SPATA17: variants seen among roughly 807,000 people sequenced by gnomAD.
The protein encoded by SPATA17 is spermatogenesis-associated protein 17.
In SPATA17, 53 loss-of-function variants were observed where a neutral mutation model predicts 62.2. The observed-to-expected ratio is 0.85, with a 90% confidence interval of 0.68 to 1.07. The LOEUF is 1.07. Among genes scored for constraint, SPATA17 ranks in the 50% least tolerant of loss-of-function variants. The pLI, the probability that SPATA17 is intolerant of heterozygous loss-of-function variation, is 0.00. For synonymous variants in SPATA17, 146 were observed against 146.8 expected (o/e 0.99, Z 0.04); for missense variants, 466 against 425.5 (o/e 1.10, Z -0.84).
chr1:217,801,239 G>C (rs1227107139), intron 8 of SPATA17, among the ~76,000 whole-genome samples: 1 of 152,068 alleles, frequency 6.6e-6, no homozygotes, highest in Non-Finnish European at 1.5e-5. Context: ...GGTCTGGCTG[G>C]CTTGAAGACC....
intron 9 of SPATA17, among the ~76,000 whole-genome samples, chr1:217,840,368 T>C (rs1330149879): frequency 6.6e-6 from 1 of 152,144 alleles, no homozygotes; most frequent in Non-Finnish European, 1.5e-5. Flanking sequence ...GAAAGAGCTT[T>C]AGGTGCATTA....
chr1:217,855,766 C>T (rs547536753), intron 9 of SPATA17, among the ~76,000 whole-genome samples: 11 of 132,142 alleles, frequency 8.3e-5, no homozygotes, highest in East Asian at 6.7e-4. Flanking sequence ...CTCGCTGTGT[C>T]GCCAGGCTGG....
intron 5 of SPATA17, among the ~76,000 whole-genome samples, chr1:217,709,468 AT>A (rs1201857167): frequency 6.6e-6 from 1 of 151,676 alleles, no homozygotes; most frequent in African/African-American, 2.4e-5. Context: ...TGCCATATGG[AT>A]CTTACCATCA....
At chr1:217,750,816 G>A (rs1672886537) in intron 6 of SPATA17, among the ~76,000 whole-genome samples, 1 of 152,164 alleles carries the variant, frequency 6.6e-6, no homozygotes, top group African/African-American at 2.4e-5. Context: ...GATCTTTCCA[G>A]CCTTCTCTCT....
intron 9 of SPATA17, among the ~76,000 whole-genome samples, chr1:217,824,692 A>G (rs142861954): frequency 1.5e-4 from 23 of 150,974 alleles, no homozygotes; most frequent in African/African-American, 5.5e-4. Flanking sequence ...ATATGTATAT[A>G]TATTTTATAA....
rs182627397 is a variant in SPATA17, at chr1:217,642,163, A to G, written c.69-6719A>G. ...ATTTTGACTTGTCCCATGACTGACAATATTCATTTAGATCACTTGATAAAG... is the reference window on the plus strand; with the variant it reads ...ATTTTGACTTGTCCCATGACTGACAGTATTCATTTAGATCACTTGATAAAG... On this transcript the variant is annotated intron_variant, in intron 1 of 10. Transcript: ENST00000366933. Among the ~76,000 whole-genome samples, 306 of 152,296 alleles carry G rather than the reference A, an allele frequency of 2.0e-3. 2 individuals carry two copies. Among genetic ancestry groups the G allele is most frequent in the African/African-American group, 7.0e-3 (292 of 41,566 alleles).
At chr1:217,718,666 A>G (rs769878674) in intron 5 of SPATA17, among the ~76,000 whole-genome samples, 7 of 152,186 alleles carry the variant, frequency 4.6e-5, no homozygotes, top group Non-Finnish European at 1.0e-4. Flanking sequence ...TTAGGAAAAC[A>G]AGACACCATG....
intron 5 of SPATA17, among the ~76,000 whole-genome samples, chr1:217,714,115 C>G (rs538105421): frequency 1.3e-5 from 2 of 152,054 alleles, no homozygotes; most frequent in Non-Finnish European, 2.9e-5. Flanking sequence ...CGGCTGGGCA[C>G]GGTGGCTCAC....
intron 4 of SPATA17, among the ~76,000 whole-genome samples, chr1:217,677,693 A>G (rs1040395034): frequency 2.6e-5 from 4 of 151,886 alleles, no homozygotes; most frequent in Admixed American, 6.6e-5. Flanking sequence ...GTAAAAGTAT[A>G]TTTCTTCCTC....
intron 3 of SPATA17, 24 bp from the exon 4 acceptor site, chr1:217,669,009 C>T (rs755908514): frequency 3.1e-6 from 5 of 1,605,176 alleles, no homozygotes; most frequent in Non-Finnish European, 4.3e-6. Context: ...GAAATGCATG[C>T]CATCTTTTTT....
chr1:217,777,346 T>G (rs1272260788), intron 7 of SPATA17, among the ~76,000 whole-genome samples: 3 of 152,170 alleles, frequency 2.0e-5, no homozygotes, highest in Non-Finnish European at 4.4e-5. Context: ...GTTTCCCCCT[T>G]GGACCGCTTT....
At position 217,862,785 on chromosome 1, in the gene SPATA17, T is replaced by A. The variant is rs1432496549; in HGVS notation, c.1017T>A (p.Thr339=). 2.5e-6 allele frequency: 4 copies of A among 1,607,850 alleles called. No homozygotes were observed. The highest frequency in any genetic ancestry group is 3.4e-6 in the Non-Finnish European group (4 of 1,176,796). The change falls in exon 10 of 11, where the codon ACT becomes ACA. Residue 339 remains threonine, a synonymous_variant. Coordinates refer to ENST00000366933, the MANE Select transcript of SPATA17 (RefSeq NM_138796.4). ...KKWICDKDFQ[T]VLPSFELFSK... is the part of the protein sequence containing the mutation. ...CTTTTTCCTCCTAGGATTTCCAGAC[T>A]GTATTACCATCATTTGAGCTCTTCT... is the stretch of plus-strand genomic sequence containing the variant.
chr1:217,751,626 G>T (rs1012569694), intron 6 of SPATA17, among the ~76,000 whole-genome samples: 1 of 152,124 alleles, frequency 6.6e-6, no homozygotes, highest in Non-Finnish European at 1.5e-5. Flanking sequence ...GAAAGGGATG[G>T]CATTATTATC....
intron 5 of SPATA17, among the ~76,000 whole-genome samples, chr1:217,720,950 A>G (rs1672113202): frequency 6.6e-6 from 1 of 152,188 alleles, no homozygotes; most frequent in South Asian, 2.1e-4. Flanking sequence ...AATCTGTGTA[A>G]GTGTGTATAT....
intron 6 of SPATA17, among the ~76,000 whole-genome samples, chr1:217,746,170 TC>T: frequency 6.6e-6 from 1 of 152,176 alleles, no homozygotes; most frequent in African/African-American, 2.4e-5. Flanking sequence ...TTGATACTGT[TC>T]ATTTTAAAAG....
intron 5 of SPATA17, among the ~76,000 whole-genome samples, chr1:217,714,914 T>G (rs1671967628): frequency 6.6e-6 from 1 of 152,192 alleles, no homozygotes; most frequent in Admixed American, 6.5e-5. Context: ...TTAGAGGATT[T>G]CTAGTATCCC....
chr1:217,840,264 A>G (rs537188784), intron 9 of SPATA17, among the ~76,000 whole-genome samples: 15 of 152,298 alleles, frequency 9.8e-5, no homozygotes, highest in African/African-American at 2.9e-4. Context: ...GTCAGGCTGC[A>G]TAAGCAACAG....
intron 4 of SPATA17, among the ~76,000 whole-genome samples, chr1:217,678,011 C>A (rs1223704736): frequency 2.6e-5 from 4 of 151,956 alleles, no homozygotes; most frequent in Admixed American, 2.6e-4. Flanking sequence ...CATTCCTAAT[C>A]TTTGAAGATT....
At chr1:217,791,031 A>G (rs10863349) in intron 8 of SPATA17, among the ~76,000 whole-genome samples, 37,041 of 152,124 alleles carry the variant, frequency 0.24, 4,901 homozygotes, top group East Asian at 0.52. Context: ...AGAGATTATC[A>G]TATATTTTCA....
Sources: allele counts gnomAD v4.1 joint callset (sites outside exome capture counted in the v4.1 genomes callset), GRCh38; gene constraint gnomAD v4.1.1; transcripts MANE v1.5; gene names NCBI Gene and HGNC (gene_info 2026-07-23, HGNC 2026-07-21).